CSMD1: variants seen among roughly 807,000 people sequenced by gnomAD.
The protein encoded by CSMD1 is CUB and sushi domain-containing protein 1.
A neutral mutation model predicts 417.5 loss-of-function variants in CSMD1; 213 were observed. That is an observed-to-expected ratio of 0.51 (90% CI 0.46 to 0.57). The LOEUF (loss-of-function observed/expected upper bound fraction) is 0.57. Among genes scored for constraint, CSMD1 ranks in the 20% least tolerant of loss-of-function variants. The probability of loss-of-function intolerance (pLI) is 0.00; values close to 1 mark genes in which losing one functional copy is unlikely to be tolerated. For synonymous variants in CSMD1, 2,862 were observed against 1,736.8 expected, an observed-to-expected ratio of 1.65 and a Z score of -16.11; for missense variants, 6,923 against 4,529.7, an observed-to-expected ratio of 1.53 and a Z score of -15.17.
At chr8:3,589,299 G>A (rs1237948856) in intron 8 of CSMD1, among the ~76,000 whole-genome samples, 3 of 152,068 alleles carry the variant, frequency 2.0e-5, no homozygotes, top group Admixed American at 6.6e-5. Context: ...CATAGTCACT[G>A]CAGCGTTACT....
chr8:3,790,802 G>C (rs144337313), intron 5 of CSMD1, among the ~76,000 whole-genome samples: 95 of 152,228 alleles, frequency 6.2e-4, no homozygotes, highest in African/African-American at 2.1e-3. Flanking sequence ...GCAACATTGA[G>C]GTCGATAATG....
chr8:4,085,151 C>T lies in CSMD1; in HGVS notation c.416-53052G>A, dbSNP rs80173015. Among the ~76,000 whole-genome samples the T allele has an allele frequency of 9.1e-4, 139 of 152,272 alleles. 2 individuals carry two copies. In the East Asian group the frequency reaches 0.023, roughly 26 times the overall value. On this transcript the variant is annotated intron_variant, in intron 3 of 69. Coordinates refer to ENST00000635120, the MANE Select transcript of CSMD1 (RefSeq NM_033225.6). ...GCTGAGATGTCACCGGCCTTGAAGG[C>T]GTCACCATTACAGACTCTGCTGAGG...
chr8:3,593,380 A>C (rs1490592634), intron 8 of CSMD1, among the ~76,000 whole-genome samples: 1 of 152,216 alleles, frequency 6.6e-6, no homozygotes, highest in Non-Finnish European at 1.5e-5. Context: ...GTGATGGAGA[A>C]GGTCAAGCCC....
rs961890058 is a variant in CSMD1, at chr8:4,041,416, G to A, written c.416-9317C>T. Reference sequence around the variant, plus strand: ...AAATGCAAATCAAGCTTACTACTACGAAAAAAGCAACTTCTTTCGTGCCTC... The same window carrying A: ...AAATGCAAATCAAGCTTACTACTACAAAAAAAGCAACTTCTTTCGTGCCTC... On this transcript the variant is annotated intron_variant, in intron 3 of 69. Coordinates refer to ENST00000635120, the MANE Select transcript of CSMD1 (RefSeq NM_033225.6). 7.9e-5 allele frequency among the ~76,000 whole-genome samples: 12 copies of A among 152,172 alleles called. 2 individuals carry two copies. The highest frequency in any genetic ancestry group is 4.1e-4 in the South Asian group (2 of 4,826).
intron 2 of CSMD1, among the ~76,000 whole-genome samples, chr8:4,454,956 T>C (rs1318171626): frequency 1.3e-5 from 2 of 152,170 alleles, no homozygotes; most frequent in South Asian, 2.1e-4. Context: ...CTGTACGTTG[T>C]TTCTTCATGG....
At chr8:4,455,850 G>T (rs111904107) in intron 2 of CSMD1, among the ~76,000 whole-genome samples, 1 of 137,154 alleles carries the variant, frequency 7.3e-6, no homozygotes. Flanking sequence ...ATAACTGCTT[G>T]AACCTGGGAG....
At chr8:4,597,992 A>C (rs549740547) in intron 2 of CSMD1, among the ~76,000 whole-genome samples, 1 of 151,530 alleles carries the variant, frequency 6.6e-6, no homozygotes, top group East Asian at 1.9e-4. Context: ...TTTTTATATA[A>C]ATTATATATA....
chr8:3,060,508 A>G (rs1812524405), intron 49 of CSMD1, among the ~76,000 whole-genome samples: 2 of 152,174 alleles, frequency 1.3e-5, no homozygotes. Context: ...ATAATAAAAA[A>G]TTACTATTAG....
intron 21 of CSMD1, among the ~76,000 whole-genome samples, chr8:3,352,847 C>T (rs1808506243): frequency 6.6e-6 from 1 of 151,434 alleles, no homozygotes; most frequent in Admixed American, 6.6e-5. Flanking sequence ...TCTCAAAAAA[C>T]AAACAAACAA....
chr8:3,394,346 AC>A, intron 17 of CSMD1, among the ~76,000 whole-genome samples: 1 of 150,728 alleles, frequency 6.6e-6, no homozygotes, highest in Admixed American at 6.6e-5. Flanking sequence ...TTATGAAATG[AC>A]TTTTTATCAT....
At position 3,095,767 on chromosome 8, in the gene CSMD1, G is replaced by A. The variant is rs902490082; in HGVS notation, c.7138+1082C>T. ...TAATTGTAACTGGTCTAATTTTCTGGGCTATGACGGTTTCACACAAAGAGA... is the reference window on the plus strand; with the variant it reads ...TAATTGTAACTGGTCTAATTTTCTGAGCTATGACGGTTTCACACAAAGAGA... On this transcript the variant is annotated intron_variant, in intron 47 of 69. Coordinates refer to ENST00000635120, the MANE Select transcript of CSMD1 (RefSeq NM_033225.6). Among the ~76,000 whole-genome samples, 5 of 152,064 alleles carry A rather than the reference G, an allele frequency of 3.3e-5. No individual in the cohort carries two copies. In the East Asian group the frequency reaches 7.7e-4, roughly 24 times the overall value.
At chr8:4,692,441 G>T (rs1422752475) in intron 1 of CSMD1, among the ~76,000 whole-genome samples, 3 of 152,144 alleles carry the variant, frequency 2.0e-5, no homozygotes, top group Non-Finnish European at 4.4e-5. Context: ...AGAGTAGACC[G>T]TCCTTGAAGC....
chr8:3,102,406 G>A (rs1240013879), intron 46 of CSMD1, among the ~76,000 whole-genome samples: 2 of 152,192 alleles, frequency 1.3e-5, no homozygotes, highest in African/African-American at 2.4e-5. Context: ...AGGTTATCCT[G>A]TTCGCCTCCT....
chr8:3,504,022 C>T lies in CSMD1; in HGVS notation c.1345-10296G>A, dbSNP rs961528219. ...GATAGGTGCAATCAGTTCCAGTGTTCGACAGCACTGCAGGGTGACTGTCAT... is the reference window on the plus strand; with the variant it reads ...GATAGGTGCAATCAGTTCCAGTGTTTGACAGCACTGCAGGGTGACTGTCAT... On this transcript the variant is annotated intron_variant, in intron 10 of 69. Coordinates refer to ENST00000635120, the MANE Select transcript of CSMD1 (RefSeq NM_033225.6). Among the ~76,000 whole-genome samples the T allele has an allele frequency of 4.6e-5, 7 of 152,062 alleles. No individual in the cohort carries two copies. In the East Asian group the frequency reaches 5.8e-4, roughly 13 times the overall value.
At chr8:3,592,143 G>A (rs1800877188) in intron 8 of CSMD1, among the ~76,000 whole-genome samples, 2 of 152,060 alleles carry the variant, frequency 1.3e-5, no homozygotes, top group Non-Finnish European at 1.5e-5. Context: ...TGAATGGATA[G>A]GTAAGTAGAT....
intron 2 of CSMD1, among the ~76,000 whole-genome samples, chr8:4,590,621 T>C (rs1327550265): frequency 6.6e-6 from 1 of 152,168 alleles, no homozygotes; most frequent in Admixed American, 6.5e-5. Flanking sequence ...ACTGTTAATA[T>C]ATGTTGTTCA....
chr8:3,184,650 T>G (rs1296280875), intron 36 of CSMD1, among the ~76,000 whole-genome samples: 7 of 152,222 alleles, frequency 4.6e-5, no homozygotes, highest in Non-Finnish European at 1.0e-4. Context: ...GCATACGACG[T>G]GTCTTTTAAT....
intron 8 of CSMD1, among the ~76,000 whole-genome samples, chr8:3,592,212 C>T (rs1203013168): frequency 6.6e-6 from 1 of 151,748 alleles, no homozygotes; most frequent in Non-Finnish European, 1.5e-5. Context: ...GAAAGATAAA[C>T]AAGTGGATAG....
intron 1 of CSMD1, among the ~76,000 whole-genome samples, chr8:4,902,183 A>G (rs918934459): frequency 6.6e-6 from 1 of 152,146 alleles, no homozygotes; most frequent in Non-Finnish European, 1.5e-5. Context: ...AACAAGATGG[A>G]AGGATCACTT....
Sources: allele counts gnomAD v4.1 joint callset (sites outside exome capture counted in the v4.1 genomes callset), GRCh38; gene constraint gnomAD v4.1.1; transcripts MANE v1.5; gene names NCBI Gene and HGNC (gene_info 2026-07-23, HGNC 2026-07-21).